CNTN5: variants seen among roughly 807,000 people sequenced by gnomAD.
The protein encoded by CNTN5 is contactin 5.
A neutral mutation model predicts 129.1 loss-of-function variants in CNTN5; 77 were observed. The ratio of observed to expected loss-of-function variants is 0.60; its 90% CI spans 0.50 to 0.72. The LOEUF is 0.72. Ranked by LOEUF, CNTN5 falls within the 30% of genes least tolerant of loss-of-function variation. CNTN5 has a pLI of 0.00. For synonymous variants in CNTN5, 509 were observed against 465.6 expected, an observed-to-expected ratio of 1.09 and a Z score of -1.20; for missense variants, 1,478 against 1,328.8, an observed-to-expected ratio of 1.11 and a Z score of -1.75.
intron 13 of CNTN5, among the ~76,000 whole-genome samples, chr11:100,145,428 G>A (rs748199120): frequency 6.6e-6 from 1 of 152,010 alleles, no homozygotes; most frequent in Non-Finnish European, 1.5e-5. Flanking sequence ...ATGATGATGC[G>A]TTTAAATTTC....
At chr11:99,493,080 C>A (rs1489276755) in intron 2 of CNTN5, among the ~76,000 whole-genome samples, 1 of 152,132 alleles carries the variant, frequency 6.6e-6, no homozygotes, top group East Asian at 1.9e-4. Context: ...CTACTGCTAC[C>A]TCAAATGCCC....
intron 3 of CNTN5, among the ~76,000 whole-genome samples, chr11:99,665,155 A>G (rs1952738113): frequency 6.6e-6 from 1 of 152,226 alleles, no homozygotes; most frequent in Admixed American, 6.5e-5. Context: ...TTTCAAATCA[A>G]GAAACTATGT....
chr11:99,061,320 T>C (rs1864865945), intron 1 of CNTN5, among the ~76,000 whole-genome samples: 1 of 151,824 alleles, frequency 6.6e-6, no homozygotes, highest in Non-Finnish European at 1.5e-5. Flanking sequence ...AAAGACTGAG[T>C]GTGTGGGGAG....
At chr11:99,752,209 ATGACAGCC>A (rs1198088607) in intron 3 of CNTN5, among the ~76,000 whole-genome samples, 2 of 152,350 alleles carry the variant, frequency 1.3e-5, no homozygotes, top group East Asian at 3.9e-4. Context: ...AGGTGATCCA[ATGACAGCC>A]TTTATTGAGG....
chr11:99,047,384 A>C (rs1353842438), intron 1 of CNTN5, among the ~76,000 whole-genome samples: 1 of 150,814 alleles, frequency 6.6e-6, no homozygotes, highest in African/African-American at 2.4e-5. Flanking sequence ...ATTTTGGCAA[A>C]AAAAAAAAAA....
chr11:99,722,918 C>G (rs919785663), intron 3 of CNTN5, among the ~76,000 whole-genome samples: 1 of 152,054 alleles, frequency 6.6e-6, no homozygotes, highest in Non-Finnish European at 1.5e-5. Flanking sequence ...CTTGCACTCT[C>G]ATTTCCTCAG....
At chr11:100,342,910 T>G (rs1460092943) in intron 23 of CNTN5, among the ~76,000 whole-genome samples, 1 of 152,176 alleles carries the variant, frequency 6.6e-6, no homozygotes, top group Non-Finnish European at 1.5e-5. Flanking sequence ...TTAAGTAAGT[T>G]GTTTAAACTT....
At chr11:99,344,812 A>G (rs1308711201) in intron 2 of CNTN5, among the ~76,000 whole-genome samples, 1 of 152,204 alleles carries the variant, frequency 6.6e-6, no homozygotes, top group Non-Finnish European at 1.5e-5. Flanking sequence ...TAAGAAAAGT[A>G]TGTTTAAAGA....
At chr11:99,241,318 G>GTTGTTTTTTTTTTTTT (rs1861542488) in intron 1 of CNTN5, among the ~76,000 whole-genome samples, 1 of 88,050 alleles carries the variant, frequency 1.1e-5, no homozygotes, top group Non-Finnish European at 2.1e-5. Flanking sequence ...TTGATTGTTG[G>GTTGTTTTTTTTTTTTT]TTTTTTTTTT....
intron 2 of CNTN5, among the ~76,000 whole-genome samples, chr11:99,494,856 AC>A (rs1277358785): frequency 6.6e-6 from 1 of 152,226 alleles, no homozygotes; most frequent in Non-Finnish European, 1.5e-5. Flanking sequence ...ATGAAAGCCT[AC>A]TTTTAAAAGT....
chr11:100,028,053 GT>G (rs1941515379), intron 9 of CNTN5, among the ~76,000 whole-genome samples: 1 of 151,958 alleles, frequency 6.6e-6, no homozygotes, highest in African/African-American at 2.4e-5. Context: ...TATTTTACCT[GT>G]CCTTATTTGA....
At chr11:99,602,443 C>A (rs1367859989) in intron 3 of CNTN5, among the ~76,000 whole-genome samples, 19 of 152,002 alleles carry the variant, frequency 1.2e-4, no homozygotes, top group Non-Finnish European at 1.8e-4. Flanking sequence ...AAGAACACAG[C>A]AGAAGAGCCA....
At position 99,473,633 on chromosome 11, in the gene CNTN5, T is replaced by A. The variant is rs534050784; in HGVS notation, c.-70-82512T>A. ...GATTTATGTGTCCAACACTTTAAAT[T>A]TTTTTTTAAATTTTTACACATTTCT... On this transcript the variant is annotated intron_variant, in intron 2 of 24. Coordinates refer to ENST00000524871, the MANE Select transcript of CNTN5 (RefSeq NM_014361.4). 5.9e-5 allele frequency among the ~76,000 whole-genome samples: 9 copies of A among 152,040 alleles called. No homozygotes were observed. The East Asian group carries it at 1.7e-3, about 29-fold the overall frequency.
At chr11:99,040,211 G>C (rs1863933280) in intron 1 of CNTN5, among the ~76,000 whole-genome samples, 1 of 152,012 alleles carries the variant, frequency 6.6e-6, no homozygotes, top group African/African-American at 2.4e-5. Context: ...TTGAGATAAA[G>C]ATAGGAAAAA....
At chr11:99,176,797 C>A (rs1420287812) in intron 1 of CNTN5, among the ~76,000 whole-genome samples, 1 of 152,152 alleles carries the variant, frequency 6.6e-6, no homozygotes, top group Non-Finnish European at 1.5e-5. Context: ...CTTTGACCTG[C>A]CTGCCACCAC....
chr11:99,599,296 T>C (rs1458669742), intron 3 of CNTN5, among the ~76,000 whole-genome samples: 1 of 152,100 alleles, frequency 6.6e-6, no homozygotes, highest in Non-Finnish European at 1.5e-5. Context: ...GTCTCCACCT[T>C]TCATAGGTTG....
At chr11:99,337,980 G>A (rs1024714979) in intron 2 of CNTN5, among the ~76,000 whole-genome samples, 1 of 151,992 alleles carries the variant, frequency 6.6e-6, no homozygotes, top group African/African-American at 2.4e-5. Context: ...ATATTTCAGA[G>A]TATTATATGC....
chr11:99,262,136 C>T (rs1862660181), intron 1 of CNTN5, among the ~76,000 whole-genome samples: 1 of 151,962 alleles, frequency 6.6e-6, no homozygotes, highest in African/African-American at 2.4e-5. Flanking sequence ...CATTTGAAAG[C>T]CATGGCCTTT....
intron 1 of CNTN5, among the ~76,000 whole-genome samples, chr11:99,310,656 A>AT (rs1333163759): frequency 6.6e-6 from 1 of 152,168 alleles, no homozygotes; most frequent in African/African-American, 2.4e-5. Context: ...ATTGAGAAGT[A>AT]TTTTTGTGAT....
Sources: gnomAD v4.1 joint callset for allele counts (sites outside exome capture counted in the v4.1 genomes callset) on GRCh38, gnomAD v4.1.1 for gene constraint, MANE v1.5 for transcripts, NCBI Gene and HGNC (gene_info 2026-07-23, HGNC 2026-07-21) for gene names.